The following SLC7A9 variants were observed in gnomAD, a reference collection of about 807,000 sequenced individuals.
The protein encoded by SLC7A9 is B(0,+)-type amino acid transporter 1.
A neutral mutation model predicts 54.1 loss-of-function variants in SLC7A9; 38 were observed. The observed-to-expected ratio is 0.70, with a 90% CI of 0.54 to 0.92. The LOEUF is 0.92. SLC7A9 is among the 40% of genes least tolerant of loss of function. The probability of loss-of-function intolerance (pLI) is 0.00; values close to 1 mark genes in which losing one functional copy is unlikely to be tolerated. For missense variants in SLC7A9, 537 were observed against 636.1 expected, an observed-to-expected ratio of 0.84 and a Z score of 1.68; for synonymous variants, 264 against 258.9, an observed-to-expected ratio of 1.02 and a Z score of -0.19.
At chr19:32,867,527 T>C (rs1275325240) in intron 2 of SLC7A9, among the ~76,000 whole-genome samples, 1 of 150,450 alleles carries the variant, frequency 6.6e-6, no homozygotes, top group Non-Finnish European at 1.5e-5. Context: ...TAAAAAAATT[T>C]TTTTAAAAAT....
At chr19:32,834,358 A>G (rs1278015332) in intron 11 of SLC7A9, among the ~76,000 whole-genome samples, 1 of 152,116 alleles carries the variant, frequency 6.6e-6, no homozygotes, top group Non-Finnish European at 1.5e-5. Context: ...GGCTGGCTGC[A>G]GTGGTTCGCT....
At chr19:32,862,645 C>T in intron 4 of SLC7A9, 59 bp from the exon 5 acceptor site, 2 of 1,522,194 alleles carry the variant, frequency 1.3e-6, no homozygotes, top group Non-Finnish European at 8.9e-7. Flanking sequence ...TGGAGAGAGT[C>T]TCCTTTCTTT....
intron 9 of SLC7A9, among the ~76,000 whole-genome samples, chr19:32,844,896 G>A (rs1968240816): frequency 7.9e-6 from 1 of 126,394 alleles, no homozygotes; most frequent in African/African-American, 2.7e-5. Flanking sequence ...CAGATGTGAT[G>A]GCTTACACCT....
At chr19:32,864,040 C>T in intron 4 of SLC7A9, 56 bp downstream of exon 4, 2 of 1,611,750 alleles carry the variant, frequency 1.2e-6, no homozygotes, top group Non-Finnish European at 1.7e-6. Flanking sequence ...GCGGAGTCCC[C>T]AGACACCCTC....
chr19:32,862,608 C>T (rs1968836621), intron 4 of SLC7A9, 22 bp from the exon 5 acceptor site: 2 of 1,612,834 alleles, frequency 1.2e-6, no homozygotes, highest in Admixed American at 1.7e-5. Context: ...GGGACAGTTT[C>T]TGCATTTATG....
intron 11 of SLC7A9, among the ~76,000 whole-genome samples, chr19:32,841,921 C>G (rs1351899927): frequency 6.6e-6 from 1 of 152,038 alleles, no homozygotes; most frequent in Non-Finnish European, 1.5e-5. Flanking sequence ...CAAATGAGAG[C>G]CAGGTGGACC....
At chr19:32,837,096 A>G (rs1390606601) in intron 11 of SLC7A9, among the ~76,000 whole-genome samples, 1 of 152,078 alleles carries the variant, frequency 6.6e-6, no homozygotes, top group African/African-American at 2.4e-5. Context: ...ATCTTTCTGT[A>G]TACAAGCATC....
At chr19:32,833,809 A>G (rs1376509683) in intron 11 of SLC7A9, among the ~76,000 whole-genome samples, 1 of 152,168 alleles carries the variant, frequency 6.6e-6, no homozygotes, top group Admixed American at 6.5e-5. Context: ...AAAAAGAAAA[A>G]AAAAAATAGA....
intron 9 of SLC7A9, among the ~76,000 whole-genome samples, chr19:32,853,771 G>C (rs955481254): frequency 6.6e-6 from 1 of 152,016 alleles, no homozygotes; most frequent in Non-Finnish European, 1.5e-5. Context: ...ACAAAAATTA[G>C]CCAGGTGTGA....
chr19:32,860,573 G>A (rs370792507), intron 7 of SLC7A9, 33 bp downstream of exon 7: 38 of 1,613,902 alleles, frequency 2.4e-5, no homozygotes, highest in African/African-American at 2.1e-4. Flanking sequence ...CAGGCTGCCC[G>A]GCTACTGTCC....
At chr19:32,831,618 G>A (rs909087583) in intron 12 of SLC7A9, among the ~76,000 whole-genome samples, 6 of 152,132 alleles carry the variant, frequency 3.9e-5, no homozygotes, top group Non-Finnish European at 5.9e-5. Context: ...GTGTAATTCC[G>A]TCTCTTTTGA....
chr19:32,842,112 C>T, intron 11 of SLC7A9, 56 bp downstream of exon 11: 1 of 1,554,708 alleles, frequency 6.4e-7, no homozygotes, highest in South Asian at 1.1e-5. Context: ...GAAAGAGTTA[C>T]ATCTAATTCA....
At chr19:32,847,498 A>G (rs1333590761) in intron 9 of SLC7A9, among the ~76,000 whole-genome samples, 1 of 152,180 alleles carries the variant, frequency 6.6e-6, no homozygotes, top group Non-Finnish European at 1.5e-5. Flanking sequence ...AAAGAATAAA[A>G]AGAAATGAAC....
chr19:32,833,206 G>C lies in SLC7A9; in HGVS notation c.1342C>G (p.Leu448Val), dbSNP rs1227468013. The C allele has an allele frequency of 6.2e-7, 1 of 1,614,036 alleles. No individual in the cohort carries two copies. The highest frequency in any genetic ancestry group is 8.5e-7 in the Non-Finnish European group (1 of 1,180,038). ...TGGACAAACAGGAAGTAAAATAAAA[G>C]GCCGCTTAATATAAACAGCACACAG... is the stretch of plus-strand genomic sequence containing the variant. ...LYCVLFILSG[L>V]LFYFLFVHYK... Residue 448 changes from leucine to valine, a missense_variant, in exon 12 of 13, where the codon CTT becomes GTT. Coordinates refer to ENST00000023064, the MANE Select transcript of SLC7A9 (RefSeq NM_014270.5).
chr19:32,842,638 A>G (rs956168457), intron 10 of SLC7A9, among the ~76,000 whole-genome samples: 1 of 96,086 alleles, frequency 1.0e-5, no homozygotes. Flanking sequence ...TTTGAGATGG[A>G]GTCTCACTCT....
intron 8 of SLC7A9, among the ~76,000 whole-genome samples, chr19:32,859,359 C>T (rs1259343697): frequency 3.3e-5 from 5 of 152,020 alleles, no homozygotes; most frequent in Admixed American, 1.3e-4. Context: ...CCTCCCACCT[C>T]AGCAGCCCCC....
In SLC7A9 at chr19:32,867,230, A is replaced by G. The variant is rs1345662446; in HGVS notation, c.87+1218T>C. 2.6e-5 allele frequency among the ~76,000 whole-genome samples: 4 copies of G among 152,208 alleles called. No individual in the cohort carries two copies. The East Asian group carries it at 7.7e-4, about 29-fold the overall frequency. The stretch of plus-strand genomic sequence containing the variant: ...CAGAACGCCCTCTCTGGCTGGGCAC[A>G]GCGACTCACGCCTATAATCCCAGCA... On this transcript the variant is annotated intron_variant, in intron 2 of 12. Coordinates refer to ENST00000023064, the MANE Select transcript of SLC7A9 (RefSeq NM_014270.5).
At chr19:32,866,784 T>C (rs923274080) in intron 2 of SLC7A9, among the ~76,000 whole-genome samples, 1 of 152,036 alleles carries the variant, frequency 6.6e-6, no homozygotes, top group Non-Finnish European at 1.5e-5. Flanking sequence ...GGTCAAGCCC[T>C]AAAGCCTTGG....
chr19:32,845,836 CCT>C (rs1968273477), intron 9 of SLC7A9, among the ~76,000 whole-genome samples: 1 of 152,084 alleles, frequency 6.6e-6, no homozygotes, highest in Admixed American at 6.6e-5. Flanking sequence ...AGTGAAACCC[CCT>C]CTCTCCTAAA....
Sources: gnomAD v4.1 joint callset for allele counts (sites outside exome capture counted in the v4.1 genomes callset) on GRCh38, gnomAD v4.1.1 for gene constraint, MANE v1.5 for transcripts, NCBI Gene and HGNC (gene_info 2026-07-23, HGNC 2026-07-21) for gene names.